Variants in ADARB2 observed in about 807,000 individuals in gnomAD.
The protein encoded by ADARB2 is adenosine deaminase RNA specific B2 (inactive).
In ADARB2, 25 loss-of-function variants were observed where a neutral mutation model predicts 62.2. The observed-to-expected ratio is 0.40, with a 90% confidence interval of 0.29 to 0.56. The LOEUF is 0.56. Ranked by LOEUF, ADARB2 falls within the 20% of genes least tolerant of loss-of-function variation. The pLI is 0.43. For missense variants in ADARB2, 1,071 were observed against 1,077.4 expected (o/e 0.99, Z 0.08); for synonymous variants, 572 against 500.8 (o/e 1.14, Z -1.90).
chr10:1,208,411 C>T (rs753772471), intron 7 of ADARB2, among the ~76,000 whole-genome samples: 9 of 152,226 alleles, frequency 5.9e-5, no homozygotes, highest in Non-Finnish European at 1.2e-4. Flanking sequence ...CACCCACTGG[C>T]TCTGAGGTCA....
intron 1 of ADARB2, among the ~76,000 whole-genome samples, chr10:1,502,625 G>C (rs1202830828): frequency 1.3e-5 from 2 of 152,240 alleles, no homozygotes; most frequent in African/African-American, 4.8e-5. Flanking sequence ...TCCTGCCTCT[G>C]TCAGGGCCTC....
rs116811018 is a variant in ADARB2, at chr10:1,605,715, T to C, written c.100+131336A>G. Among the ~76,000 whole-genome samples, 1,292 of 152,238 alleles carry C rather than the reference T, an allele frequency of 8.5e-3. 15 individuals carry two copies. Among genetic ancestry groups the C allele is most frequent in the African/African-American group, 0.03 (1,233 of 41,548 alleles). ...CATTTTGGATATATAAAGAGGGCCC[T>C]TACCTTTGAAAAGAAATGAAATTTC... is the stretch of plus-strand genomic sequence containing the variant. On this transcript the variant is annotated intron_variant, in intron 1 of 9. Transcript: ENST00000381312.
chr10:1,480,080 C>T (rs1246968141), intron 1 of ADARB2, among the ~76,000 whole-genome samples: 2 of 151,798 alleles, frequency 1.3e-5, no homozygotes, highest in African/African-American at 4.8e-5. Flanking sequence ...AAACCTACAG[C>T]GAAAATTGTA....
chr10:1,591,842 T>C (rs77822792), intron 1 of ADARB2, among the ~76,000 whole-genome samples: 4,960 of 152,282 alleles, frequency 0.033, 261 homozygotes, highest in African/African-American at 0.11. Flanking sequence ...GCAATCTCTG[T>C]GTAGCGCTGG....
intron 1 of ADARB2, among the ~76,000 whole-genome samples, chr10:1,418,012 C>T (rs935344078): frequency 6.6e-5 from 10 of 152,148 alleles, no homozygotes; most frequent in South Asian, 2.1e-4. Flanking sequence ...ATTTAAAAGC[C>T]GATGAAGGTC....
chr10:1,262,203 T>C (rs1589168898), intron 4 of ADARB2, among the ~76,000 whole-genome samples: 1 of 144,486 alleles, frequency 6.9e-6, no homozygotes, highest in African/African-American at 2.7e-5. Context: ...GATGACGAGT[T>C]AGTGGGTGCA....
At chr10:1,263,114 C>A (rs1831159053) in intron 4 of ADARB2, among the ~76,000 whole-genome samples, 1 of 126,274 alleles carries the variant, frequency 7.9e-6, no homozygotes, top group Non-Finnish European at 1.6e-5. Context: ...GGGAACATCA[C>A]ACACCGGGGC....
intron 1 of ADARB2, among the ~76,000 whole-genome samples, chr10:1,638,267 G>C (rs1833938230): frequency 6.6e-6 from 1 of 152,182 alleles, no homozygotes; most frequent in African/African-American, 2.4e-5. Flanking sequence ...TTAACAATGA[G>C]CTTTGATTGT....
Position 1,608,422 on chromosome 10 carries a change from T to G in ADARB2, c.100+128629A>C, listed in dbSNP as rs554574717. Among the ~76,000 whole-genome samples, 66 of 151,204 alleles carry G rather than the reference T, an allele frequency of 4.4e-4. 1 individual carries two copies. The South Asian group carries it at 0.013, about 29-fold the overall frequency. On this transcript the variant is annotated intron_variant, in intron 1 of 9. Coordinates refer to ENST00000381312, the MANE Select transcript of ADARB2 (RefSeq NM_018702.4). ...CATGAAAGAACTCTACCACTCTATC[T>G]TCGGGGACCATTGACAGACGGGAGG... is the stretch of plus-strand genomic sequence containing the variant.
chr10:1,587,193 A>G (rs1048151801), intron 1 of ADARB2, among the ~76,000 whole-genome samples: 1 of 152,234 alleles, frequency 6.6e-6, no homozygotes, highest in Non-Finnish European at 1.5e-5. Flanking sequence ...GTCCCTAAAG[A>G]ATTATTTTGA....
chr10:1,468,648 G>T (rs949316214), intron 1 of ADARB2, among the ~76,000 whole-genome samples: 1 of 152,212 alleles, frequency 6.6e-6, no homozygotes, highest in Non-Finnish European at 1.5e-5. Flanking sequence ...AGTCGGGGCT[G>T]GGGGCTCCCC....
intron 1 of ADARB2, among the ~76,000 whole-genome samples, chr10:1,649,932 G>A (rs932564475): frequency 3.9e-5 from 6 of 152,194 alleles, no homozygotes; most frequent in Non-Finnish European, 7.3e-5. Context: ...GCTTCCTGAG[G>A]AGCGATGATT....
intron 1 of ADARB2, among the ~76,000 whole-genome samples, chr10:1,577,238 G>GTAAGGCCACC (rs1189920410): frequency 6.9e-6 from 1 of 143,994 alleles, no homozygotes; most frequent in Admixed American, 6.9e-5. Context: ...GCATCCTGGT[G>GTAAGGCCACC]CAAAGCTGTC....
chr10:1,624,605 A>G (rs546532486), intron 1 of ADARB2, among the ~76,000 whole-genome samples: 3 of 152,370 alleles, frequency 2.0e-5, no homozygotes, highest in Non-Finnish European at 4.4e-5. Context: ...CCACCTCTGA[A>G]AATAACATTG....
rs917511966 is a variant in ADARB2 at position 1,458,630 on chromosome 10, G to T, written c.101-79470C>A. 6.6e-5 allele frequency among the ~76,000 whole-genome samples: 10 copies of T among 152,062 alleles called. No individual in the cohort carries two copies. In the East Asian group the frequency reaches 9.7e-4, roughly 15 times the overall value. On this transcript the variant is annotated intron_variant, in intron 1 of 9. Coordinates refer to ENST00000381312, the MANE Select transcript of ADARB2 (RefSeq NM_018702.4). ...CGCTATGGCTTCCACGGTGCCCTCT[G>T]GTCTGGCCTCTTTGCTTTTACATTT...
intron 7 of ADARB2, 64 bp downstream of exon 7, chr10:1,216,887 C>T (rs1480641474): frequency 9.6e-6 from 15 of 1,568,180 alleles, no homozygotes; most frequent in Non-Finnish European, 1.3e-5. Flanking sequence ...ATGCAGGGAG[C>T]CTGGGGCTTG....
chr10:1,338,583 G>C (rs920056799), intron 3 of ADARB2, among the ~76,000 whole-genome samples: 1 of 152,176 alleles, frequency 6.6e-6, no homozygotes, highest in Non-Finnish European at 1.5e-5. Flanking sequence ...ATTTAGGTTG[G>C]CCTCAAACAT....
chr10:1,539,197 T>A (rs1019640619), intron 1 of ADARB2, among the ~76,000 whole-genome samples: 6 of 152,240 alleles, frequency 3.9e-5, no homozygotes, highest in Non-Finnish European at 7.3e-5. Flanking sequence ...TCTGGGATTA[T>A]GCACCTTACT....
At chr10:1,396,478 G>C (rs1340707703) in intron 1 of ADARB2, among the ~76,000 whole-genome samples, 1 of 152,176 alleles carries the variant, frequency 6.6e-6, no homozygotes, top group East Asian at 1.9e-4. Context: ...CTGTGTCCCA[G>C]GATCGAAGAA....
Sources: gnomAD v4.1 joint callset for allele counts (sites outside exome capture counted in the v4.1 genomes callset) on GRCh38, gnomAD v4.1.1 for gene constraint, MANE v1.5 for transcripts, NCBI Gene and HGNC (gene_info 2026-07-23, HGNC 2026-07-21) for gene names.